Variants in DAB2IP observed in about 807,000 individuals in gnomAD.
DAB2IP encodes DAB2 interacting protein.
A neutral mutation model predicts 107.2 loss-of-function variants in DAB2IP; 28 were observed. The observed-to-expected ratio is 0.26, with a 90% CI of 0.19 to 0.36. The LOEUF is 0.36. Among genes scored for constraint, DAB2IP ranks in the 10% least tolerant of loss-of-function variants. The pLI, the probability that DAB2IP is intolerant of heterozygous loss-of-function variation, is 1.00. For synonymous variants in DAB2IP, 755 were observed against 706.4 expected, an observed-to-expected ratio of 1.07 and a Z score of -1.09; for missense variants, 1,400 against 1,644.7, an observed-to-expected ratio of 0.85 and a Z score of 2.57.
intron 6 of DAB2IP, among the ~76,000 whole-genome samples, chr9:121,762,731 C>T (rs1294984611): frequency 6.6e-6 from 1 of 152,202 alleles, no homozygotes; most frequent in African/African-American, 2.4e-5. Context: ...TTCTTCCCCT[C>T]CCCCAAGCCA....
intron 3 of DAB2IP, among the ~76,000 whole-genome samples, chr9:121,724,545 G>GTAC (rs941408991): frequency 2.0e-5 from 3 of 152,204 alleles, no homozygotes; most frequent in African/African-American, 7.2e-5. Context: ...ACTCTAGACT[G>GTAC]TACGCCACAT....
At chr9:121,636,071 T>G (rs747761484) in intron 1 of DAB2IP, among the ~76,000 whole-genome samples, 2 of 152,074 alleles carry the variant, frequency 1.3e-5, no homozygotes, top group African/African-American at 4.8e-5. Context: ...GCCCAGCTAA[T>G]TTTTTGTATT....
chr9:121,639,104 C>T (rs1042565620), intron 1 of DAB2IP, among the ~76,000 whole-genome samples: 2 of 152,192 alleles, frequency 1.3e-5, no homozygotes, highest in African/African-American at 4.8e-5. Flanking sequence ...CTGTCTCTGC[C>T]ACTAATCAAC....
chr9:121,632,837 G>T (rs2797351), intron 1 of DAB2IP, among the ~76,000 whole-genome samples: 8 of 151,678 alleles, frequency 5.3e-5, no homozygotes, highest in African/African-American at 7.3e-5. Flanking sequence ...AGAGGAATGC[G>T]GTGGGCAAGG....
chr9:121,609,126 G>A (rs1020594586), intron 1 of DAB2IP, among the ~76,000 whole-genome samples: 2 of 152,260 alleles, frequency 1.3e-5, no homozygotes, highest in South Asian at 4.1e-4. Context: ...TGTGTTTTTA[G>A]TAGAGACGGG....
At chr9:121,781,523 A>T (rs112159524) in exon 15 of DAB2IP, 1 of 1,613,912 alleles carries the variant, frequency 6.2e-7, no homozygotes, top group Admixed American at 1.7e-5. Context: ...GCGGCTGTGG[A>T]CTCCAAACAG....
chr9:121,707,956 C>T (rs952713109), intron 3 of DAB2IP, among the ~76,000 whole-genome samples: 1 of 152,172 alleles, frequency 6.6e-6, no homozygotes, highest in Non-Finnish European at 1.5e-5. Flanking sequence ...ATGACTAAAT[C>T]CCTACTCTTG....
At chr9:121,697,720 G>A (rs1271641440) in intron 2 of DAB2IP, among the ~76,000 whole-genome samples, 1 of 152,170 alleles carries the variant, frequency 6.6e-6, no homozygotes, top group East Asian at 1.9e-4. Context: ...TGCCTGGGAT[G>A]GCCTTCTGGT....
At chr9:121,740,905 G>A (rs1160014723) in intron 3 of DAB2IP, among the ~76,000 whole-genome samples, 4 of 152,164 alleles carry the variant, frequency 2.6e-5, no homozygotes, top group Non-Finnish European at 5.9e-5. Context: ...TTTGTCCAGG[G>A]TTCCACAGTT....
intron 1 of DAB2IP, among the ~76,000 whole-genome samples, chr9:121,585,468 G>A (rs1383309992): frequency 6.6e-6 from 1 of 152,136 alleles, no homozygotes; most frequent in African/African-American, 2.4e-5. Context: ...CTTAGAACAG[G>A]GCTGCACGAG....
At chr9:121,768,312 A>G in intron 9 of DAB2IP, 120 bp from the exon 10 acceptor site, 1 of 1,034,904 alleles carries the variant, frequency 9.7e-7, no homozygotes, top group Non-Finnish European at 1.5e-6. Flanking sequence ...TGACTTGGGG[A>G]GTGAATGGAG....
chr9:121,738,950 T>C (rs1832123975), intron 3 of DAB2IP, among the ~76,000 whole-genome samples: 1 of 152,248 alleles, frequency 6.6e-6, no homozygotes, highest in Non-Finnish European at 1.5e-5. Context: ...GTGATTCTGC[T>C]TTGGGAAACA....
chr9:121,740,394 T>C (rs1314282024), intron 3 of DAB2IP, among the ~76,000 whole-genome samples: 1 of 152,150 alleles, frequency 6.6e-6, no homozygotes, highest in East Asian at 1.9e-4. Flanking sequence ...TCAGCCCCTT[T>C]CCTTACACCA....
At chr9:121,668,401 C>G (rs1005891786) in intron 1 of DAB2IP, among the ~76,000 whole-genome samples, 2 of 152,048 alleles carry the variant, frequency 1.3e-5, no homozygotes, top group Non-Finnish European at 2.9e-5. Flanking sequence ...CCACACCTGG[C>G]TAAATTTTTA....
chr9:121,759,109 G>C, intron 5 of DAB2IP, 113 bp downstream of exon 5: 1 of 1,072,752 alleles, frequency 9.3e-7, no homozygotes, highest in Non-Finnish European at 1.4e-6. Flanking sequence ...TGGTCAGCCT[G>C]CATGGAGGCA....
intron 1 of DAB2IP, among the ~76,000 whole-genome samples, chr9:121,594,361 C>A (rs148867099): frequency 0.04 from 6,096 of 151,880 alleles, 383 homozygotes; most frequent in African/African-American, 0.14. Flanking sequence ...TCTCAGCCTC[C>A]CTAGTAGCTG....
At chr9:121,574,593 AACAACCCC>A (rs2118890218) in intron 1 of DAB2IP, among the ~76,000 whole-genome samples, 1 of 152,274 alleles carries the variant, frequency 6.6e-6, no homozygotes, top group South Asian at 2.1e-4. Context: ...CAGAGGAAGG[AACAACCCC>A]ACAGCTCAGA....
In DAB2IP at chr9:121,651,738, C is replaced by G. The variant is rs1564134768; in HGVS notation, c.-38C>G. 8.1e-7 allele frequency: 1 copy of G among 1,231,022 alleles called. No individual in the cohort carries two copies. The highest frequency in any genetic ancestry group is 1.0e-6 in the Non-Finnish European group (1 of 984,524). 76.3% of individuals were successfully genotyped at this position (1,231,022 alleles called of 1,614,324 possible). Reference sequence around the variant, plus strand: ...GAGCGGCCGATGGGGCCCGTGTGAGCGCGCCCAGGCCCGGCCCGGTGCCCG... The same window carrying G: ...GAGCGGCCGATGGGGCCCGTGTGAGGGCGCCCAGGCCCGGCCCGGTGCCCG... On this transcript the variant is annotated 5_prime_UTR_variant, in exon 1 of 16. Transcript: ENST00000408936. The surrounding 1 kb of genome is among the most constrained non-coding windows in gnomAD (Gnocchi z 5.1).
chr9:121,724,010 A>T (rs577289008), intron 3 of DAB2IP, among the ~76,000 whole-genome samples: 15 of 152,098 alleles, frequency 9.9e-5, no homozygotes, highest in African/African-American at 3.4e-4. Context: ...CATGTTGGGG[A>T]TGATGAGGAT....
Sources: gnomAD v4.1 joint callset for allele counts (sites outside exome capture counted in the v4.1 genomes callset) on GRCh38, gnomAD v4.1.1 for gene constraint, Gnocchi (gnomAD v3.1) non-coding constraint, MANE v1.5 for transcripts, NCBI Gene and HGNC (gene_info 2026-07-23, HGNC 2026-07-21) for gene names.